The following RNF135 variants were observed in gnomAD, a reference collection of about 807,000 sequenced individuals.
RNF135 encodes the protein E3 ubiquitin-protein ligase RNF135.
A neutral mutation model predicts 41.9 loss-of-function variants in RNF135; 46 were observed. That is an observed-to-expected ratio of 1.10 (90% CI 0.87 to 1.40). RNF135 has a LOEUF of 1.40. Ranked by LOEUF, RNF135 falls within the 40% of genes most tolerant of loss-of-function variation. The pLI is 0.00. For synonymous variants in RNF135, 238 were observed against 223.8 expected, an observed-to-expected ratio of 1.06 and a Z score of -0.57; for missense variants, 539 against 549.8, an observed-to-expected ratio of 0.98 and a Z score of 0.20.
At chr17:30,970,207 A>G (rs1417314063), upstream of RNF135, 1 of 147,106 alleles carries the variant, frequency 6.8e-6, no homozygotes, top group African/African-American at 2.6e-5. Context: ...TTTTTTTTTA[A>G]CCTCTTTGGG....
At chr17:30,971,001 A>G, upstream of RNF135, 1 of 1,524,998 alleles carries the variant, frequency 6.6e-7, no homozygotes, top group Non-Finnish European at 8.8e-7. Flanking sequence ...GGGGAAGAGG[A>G]AGGGCGAGGG....
chr17:30,995,776 C>T (rs1183502712), intron 3 of RNF135, among the ~76,000 whole-genome samples: 6 of 149,998 alleles, frequency 4.0e-5, no homozygotes, highest in South Asian at 4.2e-4. Flanking sequence ...TTTTTTGAGA[C>T]GGAGTCTTGC....
intron 2 of RNF135, 93 bp downstream of exon 2, chr17:30,984,853 G>A (rs1186594434): frequency 3.0e-6 from 4 of 1,311,544 alleles, no homozygotes; most frequent in East Asian, 4.6e-5. Flanking sequence ...GAACCTGAAG[G>A]ATACAATAAG....
At chr17:30,977,108 T>C (rs1023239517) in intron 1 of RNF135, among the ~76,000 whole-genome samples, 2 of 152,222 alleles carry the variant, frequency 1.3e-5, no homozygotes, top group African/African-American at 4.8e-5. Context: ...ATCCATTATA[T>C]GATTTTTGAT....
intron 3 of RNF135, among the ~76,000 whole-genome samples, chr17:30,991,092 G>T (rs1907954179): frequency 6.6e-6 from 1 of 152,054 alleles, no homozygotes; most frequent in African/African-American, 2.4e-5. Context: ...CCTCCAGTTG[G>T]GTTATACCAG....
At chr17:30,970,923 C>T (rs1004800171), upstream of RNF135, 1 of 1,095,884 alleles carries the variant, frequency 9.1e-7, no homozygotes, top group Non-Finnish European at 1.3e-6. Context: ...TCAGCAGGAT[C>T]GGAGGAAGGA....
chr17:30,995,560 C>G (rs1908300074), intron 3 of RNF135, among the ~76,000 whole-genome samples: 1 of 151,992 alleles, frequency 6.6e-6, no homozygotes, highest in African/African-American at 2.4e-5. Context: ...AACTCTATAC[C>G]CATTAAGCAA....
Position 30,999,329 on chromosome 17 carries a change from G to C in RNF135, c.*138G>C. On this transcript the variant is annotated 3_prime_UTR_variant, in exon 5 of 5. Coordinates refer to ENST00000328381, the MANE Select transcript of RNF135 (RefSeq NM_032322.4). ...GGATCTCACTAGGTTGCCCAGGCTG[G>C]TGTCGAATTCCTGGTCTCAAGCAGT... 1.0e-6 allele frequency: 1 copy of C among 968,918 alleles called. No homozygotes were observed. The highest frequency in any genetic ancestry group is 2.6e-5 in the East Asian group (1 of 37,872). 60.0% of individuals were successfully genotyped at this position (968,918 alleles called of 1,614,324 possible).
chr17:30,985,200 A>G lies in RNF135; in HGVS notation c.516+440A>G, dbSNP rs144477318. ...TCTCTCTCCTCTGCTTAGGAATTAAATGCTGGAGTTCCTCAAGGCTGAGTT... is the reference window on the plus strand; with the variant it reads ...TCTCTCTCCTCTGCTTAGGAATTAAGTGCTGGAGTTCCTCAAGGCTGAGTT... On this transcript the variant is annotated intron_variant, in intron 2 of 4. Coordinates refer to ENST00000328381, the MANE Select transcript of RNF135 (RefSeq NM_032322.4). Among the ~76,000 whole-genome samples, 440 of 152,312 alleles carry G rather than the reference A, an allele frequency of 2.9e-3. 2 individuals are homozygous for G. The highest frequency in any genetic ancestry group is 4.6e-3 in the Non-Finnish European group (312 of 68,034).
intron 2 of RNF135, among the ~76,000 whole-genome samples, chr17:30,986,390 T>C (rs1907592784): frequency 6.6e-6 from 1 of 151,988 alleles, no homozygotes; most frequent in Non-Finnish European, 1.5e-5. Context: ...AGAGACGGGG[T>C]TTCACCATAC....
rs767060190 is a variant in RNF135, at chr17:30,998,803, G to C, written c.911G>C (p.Cys304Ser). ...CERFSTSQVLCSQALSSGKHY... is the reference protein window; with the variant it reads ...CERFSTSQVLSSQALSSGKHY... ...AGGTTTTCTACCAGCCAGGTCTTATGTTCCCAGGCCCTGTCTTCTGGAAAG... is the reference window on the plus strand; with the variant it reads ...AGGTTTTCTACCAGCCAGGTCTTATCTTCCCAGGCCCTGTCTTCTGGAAAG... Residue 304 changes from cysteine (C) to serine (S), a missense_variant, in exon 5 of 5, where the codon TGT becomes TCT. By Grantham distance (112) the Cys-to-Ser change is moderately radical (BLOSUM62 -1). Transcript: ENST00000328381. 3 of 1,613,376 alleles carry C rather than the reference G, an allele frequency of 1.9e-6. No individual in the cohort carries two copies. The highest frequency in any genetic ancestry group is 4.5e-5 in the East Asian group (2 of 44,892).
intron 1 of RNF135, chr17:30,971,888 G>A (rs1905994259): frequency 4.8e-6 from 1 of 206,260 alleles, no homozygotes; most frequent in Non-Finnish European, 8.8e-6. Flanking sequence ...GCCCCCCAGG[G>A]TCGAGTGATT....
At chr17:30,985,036 G>A (rs1015378611) in intron 2 of RNF135, among the ~76,000 whole-genome samples, 2 of 152,132 alleles carry the variant, frequency 1.3e-5, no homozygotes, top group African/African-American at 2.4e-5. Flanking sequence ...CTCTATAAGC[G>A]TTCTGGTGCC....
At chr17:30,980,329 C>CG (rs889520947) in intron 1 of RNF135, 1 of 137,572 alleles carries the variant, frequency 7.3e-6, no homozygotes, top group African/African-American at 2.8e-5. Flanking sequence ...GCCGGCCGGG[C>CG]GGGGGGCTGA....
chr17:30,964,389 CAAAAA>C, the RNF135 span, among the ~76,000 whole-genome samples: 10 of 37,196 alleles, frequency 2.7e-4, no homozygotes, highest in African/African-American at 7.4e-4. Context: ...GACTTCATCT[CAAAAA>C]AAAAAAAAAA....
chr17:30,996,144 CAG>C (rs1284514068), intron 3 of RNF135, among the ~76,000 whole-genome samples: 12 of 135,076 alleles, frequency 8.9e-5, no homozygotes, highest in Admixed American at 2.4e-4. Context: ...AGGCTGGAGT[CAG>C]TGGTGCGATC....
chr17:30,975,588 G>A, intron 1 of RNF135: 1 of 838,028 alleles, frequency 1.2e-6, no homozygotes, highest in South Asian at 1.3e-5. Context: ...AAGAACCACA[G>A]AGCAAAACTC....
At chr17:30,983,332 TA>T (rs1567743096) in intron 1 of RNF135, among the ~76,000 whole-genome samples, 12 of 34,582 alleles carry the variant, frequency 3.5e-4, no homozygotes, top group South Asian at 9.6e-4. Flanking sequence ...TATATATATA[TA>T]TATATATATA....
At chr17:30,970,536 A>C (rs1267135423), upstream of RNF135, 1 of 157,932 alleles carries the variant, frequency 6.3e-6, no homozygotes, top group Non-Finnish European at 1.4e-5. Context: ...ACTCCCTGCG[A>C]GCGGGGCCGA....
Sources: allele counts gnomAD v4.1 joint callset (sites outside exome capture counted in the v4.1 genomes callset), GRCh38; gene constraint gnomAD v4.1.1; transcripts MANE v1.5; gene names NCBI Gene and HGNC (gene_info 2026-07-23, HGNC 2026-07-21).